The following SERINC2 variants were observed in gnomAD, a reference collection of about 807,000 sequenced individuals.
SERINC2 encodes the protein serine incorporator 2.
SERINC2 carries 56 observed loss-of-function variants against 54.2 expected under a neutral mutation model. The ratio of observed to expected loss-of-function variants is 1.03; its 90% CI spans 0.83 to 1.29. SERINC2 has a LOEUF of 1.29. SERINC2 is among the 50% of genes most tolerant of loss of function. The pLI is 0.00. For synonymous variants in SERINC2, 272 were observed against 253.1 expected (o/e 1.07, Z -0.71); for missense variants, 614 against 607.4 (o/e 1.01, Z -0.12).
Position 31,425,790 on chromosome 1 carries a change from G to T in SERINC2, c.487G>T (p.Gly163Cys). ...TCCCCACCCAGTCTGGTTCTACTTC[G>T]GCGTCGTGGGCTCCTTCCTCTTCAT... Reference protein sequence around the residue: ...GSFTNIWFYFGVVGSFLFILI... With the variant: ...GSFTNIWFYFCVVGSFLFILI... The change falls in exon 5 of 10, where the codon GGC becomes TGC. Residue 163 changes from glycine to cysteine, a missense_variant. Physicochemically the swap from Gly to Cys is radical, Grantham distance 159. Transcript: ENST00000373709. 1 of 1,613,236 alleles carries T rather than the reference G, an allele frequency of 6.2e-7. No homozygotes were observed. The highest frequency in any genetic ancestry group is 1.3e-5 in the African/African-American group (1 of 75,012).
At chr1:31,424,950 T>A in intron 3 of SERINC2, 77 bp downstream of exon 3, 10 of 1,261,732 alleles carry the variant, frequency 7.9e-6, no homozygotes, top group Non-Finnish European at 1.1e-5. Flanking sequence ...TCCAGGGATC[T>A]GCAGACCCTA....
chr1:31,413,306 T>A lies in SERINC2; in HGVS notation c.39+2T>A. The A allele has an allele frequency of 7.9e-7, 1 of 1,270,330 alleles. No homozygotes were observed. The allele number at this position is 1,270,330 out of a possible 1,614,324, so 78.7% of individuals were successfully genotyped here. A position where few individuals can be genotyped will look rare whatever the true frequency, so the allele number is the denominator to read the frequency against. On this transcript the variant is annotated splice_donor_variant, in intron 1 of 9. Coordinates refer to ENST00000373709, the MANE Select transcript of SERINC2 (RefSeq NM_178865.5). LOFTEE classifies it high-confidence loss of function. The surrounding 1 kb of genome is among the most constrained non-coding windows in gnomAD (Gnocchi z 5.0). ...GGAGCCTGCTCCCTGCTCAGCTGCG[T>A]GAGTCCCGACCCCGGCGCCCGCCCG...
chr1:31,432,047 ACAGGG>A (rs1557500781), intron 8 of SERINC2, among the ~76,000 whole-genome samples: 11 of 123,708 alleles, frequency 8.9e-5, no homozygotes, highest in South Asian at 2.8e-4. Flanking sequence ...GACAGGGTGG[ACAGGG>A]TGGACAGGGT....
chr1:31,420,276 C>T (rs1553132632), intron 1 of SERINC2, among the ~76,000 whole-genome samples: 1 of 152,158 alleles, frequency 6.6e-6, no homozygotes, highest in African/African-American at 2.4e-5. Context: ...GACCTGGTCT[C>T]TCTGGCTGCT....
At chr1:31,421,795 TGTGG>T (rs1553132756) in intron 1 of SERINC2, among the ~76,000 whole-genome samples, 130 of 152,324 alleles carry the variant, frequency 8.5e-4, no homozygotes, top group African/African-American at 3.0e-3. Flanking sequence ...CTGGTGCCTA[TGTGG>T]TCTGGCCTTG....
At chr1:31,417,839 T>C (rs1391627456) in intron 1 of SERINC2, among the ~76,000 whole-genome samples, 2 of 143,508 alleles carry the variant, frequency 1.4e-5, no homozygotes, top group Non-Finnish European at 1.5e-5. Flanking sequence ...ATAGCATGTG[T>C]CAAAATTTCA....
At position 31,433,107 on chromosome 1, in the gene SERINC2, C is replaced by T; in HGVS notation, c.1154C>T (p.Thr385Ile). ...TTTGACAACGAGCAGGACGGCGTCACCTACAGCTACTCCTTCTTCCACTTC... is the reference window on the plus strand; with the variant it reads ...TTTGACAACGAGCAGGACGGCGTCATCTACAGCTACTCCTTCTTCCACTTC... ...RAFDNEQDGV[T>I]YSYSFFHFCL... Residue 385 changes from threonine to isoleucine, a missense_variant, in exon 9 of 10, where the codon ACC becomes ATC. Transcript: ENST00000373709. The T allele has an allele frequency of 6.2e-7, 1 of 1,613,732 alleles. No individual in the cohort carries two copies. Among genetic ancestry groups the T allele is most frequent in the Non-Finnish European group, 8.5e-7 (1 of 1,180,024 alleles).
In SERINC2 at chr1:31,428,623, C is replaced by T. The variant is rs546154337; in HGVS notation, c.781-355C>T. On this transcript the variant is annotated intron_variant, in intron 6 of 9. Coordinates refer to ENST00000373709, the MANE Select transcript of SERINC2 (RefSeq NM_178865.5). The stretch of plus-strand genomic sequence containing the variant: ...GGAACTTGTCAGAGGGAGGGCACAG[C>T]GACGGCAAAGGCCTTGTGGTGGGAG... 2.6e-5 allele frequency among the ~76,000 whole-genome samples: 4 copies of T among 152,036 alleles called. No homozygotes were observed. The South Asian group carries it at 6.3e-4, about 24-fold the overall frequency.
At chr1:31,414,359 A>T in intron 1 of SERINC2, 16 of 1,192,616 alleles carry the variant, frequency 1.3e-5, no homozygotes, top group East Asian at 4.6e-5. Flanking sequence ...AGGCCCTGAG[A>T]GGGAGAAGGG....
intron 1 of SERINC2, chr1:31,414,011 G>A: frequency 6.6e-7 from 1 of 1,526,676 alleles, no homozygotes; most frequent in Non-Finnish European, 8.7e-7. Flanking sequence ...CGCGGAGACT[G>A]GGATGGGAGC....
chr1:31,418,753 C>G (rs187562313), intron 1 of SERINC2, among the ~76,000 whole-genome samples: 11 of 152,278 alleles, frequency 7.2e-5, no homozygotes, highest in Admixed American at 6.5e-4. Flanking sequence ...ATGAGTGGTT[C>G]TAAGAACTTC....
In SERINC2 at chr1:31,429,502, G is replaced by C. The variant is rs782553908; in HGVS notation, c.977G>C (p.Gly326Ala). 6.2e-7 allele frequency: 1 copy of C among 1,613,436 alleles called. No individual in the cohort carries two copies. The highest frequency in any genetic ancestry group is 1.1e-5 in the South Asian group (1 of 90,936). ...TQWWDAPSIV[G>A]LIIFLLCTLF... The stretch of plus-strand genomic sequence containing the variant: ...TGGTGGGATGCCCCGAGCATTGTGG[G>C]CCTCATCATCTTCCTCCTGTGCACC... Residue 326 changes from glycine (G) to alanine (A), a missense_variant, in exon 8 of 10, where the codon GGC becomes GCC. By Grantham distance (60) the Gly-to-Ala change is moderately conservative. Transcript: ENST00000373709.
intron 3 of SERINC2, 134 bp from the exon 4 acceptor site, chr1:31,425,196 C>T (rs1233751420): frequency 1.3e-6 from 1 of 749,870 alleles, no homozygotes; most frequent in African/African-American, 1.7e-5. Context: ...CCTATCAGAC[C>T]ACCAGAAAGC....
Position 31,423,853 on chromosome 1 carries a change from A to G in SERINC2, c.200A>G (p.Lys67Arg). 6.2e-7 allele frequency: 1 copy of G among 1,613,658 alleles called. No individual in the cohort carries two copies. The highest frequency in any genetic ancestry group is 8.5e-7 in the Non-Finnish European group (1 of 1,179,796). The change falls in exon 2 of 10, where the codon AAG becomes AGG. Residue 67 changes from lysine (K) to arginine (R), a missense_variant and splice_region_variant. By Grantham distance (26) the Lys-to-Arg change is conservative. Coordinates refer to ENST00000373709, the MANE Select transcript of SERINC2 (RefSeq NM_178865.5). ...LSPGVESQLY[K>R]LPWVCEEGAG... is the part of the protein sequence containing the mutation. Reference sequence around the variant, plus strand: ...CCGGGCGTGGAGAGTCAGCTCTACAAGGTGAGTGCCCCAGGGGAGGCAGGG... The same window carrying G: ...CCGGGCGTGGAGAGTCAGCTCTACAGGGTGAGTGCCCCAGGGGAGGCAGGG...
chr1:31,425,553 G>C, intron 4 of SERINC2, 144 bp downstream of exon 4: 1 of 877,114 alleles, frequency 1.1e-6, no homozygotes, highest in Non-Finnish European at 1.9e-6. Context: ...CCGTGAGACA[G>C]CACTGTGGTG....
At chr1:31,431,091 T>C (rs1017195463) in intron 8 of SERINC2, among the ~76,000 whole-genome samples, 1 of 151,896 alleles carries the variant, frequency 6.6e-6, no homozygotes, top group African/African-American at 2.4e-5. Context: ...CTGTGTCCTC[T>C]CCTCTCCCCT....
At chr1:31,421,866 C>T (rs1019671009) in intron 1 of SERINC2, among the ~76,000 whole-genome samples, 5 of 152,382 alleles carry the variant, frequency 3.3e-5, no homozygotes, top group Middle Eastern at 3.4e-3. Context: ...GCTTTGGCCA[C>T]GAGGGCCTTC....
intron 7 of SERINC2, 109 bp from the exon 8 acceptor site, chr1:31,429,288 C>A: frequency 7.3e-7 from 1 of 1,369,958 alleles, no homozygotes; most frequent in Non-Finnish European, 1.0e-6. Flanking sequence ...GAGTGGTTGG[C>A]TGTGTATCTG....
intron 8 of SERINC2, among the ~76,000 whole-genome samples, chr1:31,432,137 ACAGGGTG>A (rs1641296385): frequency 9.1e-6 from 1 of 110,054 alleles, no homozygotes; most frequent in African/African-American, 4.0e-5. Flanking sequence ...GATAGGGTGG[ACAGGGTG>A]GACAGGGTGG....
Sources: gnomAD v4.1 joint callset for allele counts (sites outside exome capture counted in the v4.1 genomes callset) on GRCh38, gnomAD v4.1.1 for gene constraint, Gnocchi (gnomAD v3.1) non-coding constraint, MANE v1.5 for transcripts, NCBI Gene and HGNC (gene_info 2026-07-23, HGNC 2026-07-21) for gene names.